MARCHF1: variants seen among roughly 807,000 people sequenced by gnomAD.
MARCHF1 encodes the protein membrane associated ring-CH-type finger 1.
MARCHF1 carries 40 observed loss-of-function variants against 54.2 expected under a neutral mutation model. The ratio of observed to expected loss-of-function variants is 0.74; its 90% confidence interval spans 0.57 to 0.96. MARCHF1 has a LOEUF of 0.96. MARCHF1 is among the 40% of genes least tolerant of loss of function. The probability of loss-of-function intolerance (pLI) is 0.00; values close to 1 mark genes in which losing one functional copy is unlikely to be tolerated. For synonymous variants in MARCHF1, 236 were observed against 236.3 expected, an observed-to-expected ratio of 1.00 and a Z score of 0.01; for missense variants, 586 against 656.5, an observed-to-expected ratio of 0.89 and a Z score of 1.17.
intron 3 of MARCHF1, among the ~76,000 whole-genome samples, chr4:163,944,612 C>G (rs1339095690): frequency 6.6e-6 from 1 of 152,154 alleles, no homozygotes; most frequent in Non-Finnish European, 1.5e-5. Context: ...CTTTCTTTCC[C>G]AAGTATTAAT....
intron 2 of MARCHF1, among the ~76,000 whole-genome samples, chr4:164,027,999 T>A (rs748241501): frequency 7.9e-5 from 12 of 152,138 alleles, no homozygotes; most frequent in Non-Finnish European, 1.5e-5. Flanking sequence ...TTATTAGTCA[T>A]CAGAGAAATG....
At chr4:164,129,014 G>T (rs1433983291) in intron 1 of MARCHF1, among the ~76,000 whole-genome samples, 5 of 152,238 alleles carry the variant, frequency 3.3e-5, no homozygotes, top group Non-Finnish European at 7.4e-5. Context: ...GTGCCTACCT[G>T]GTTCATCCCA....
At chr4:164,316,127 G>C (rs1297209436) in intron 1 of MARCHF1, among the ~76,000 whole-genome samples, 4 of 152,114 alleles carry the variant, frequency 2.6e-5, no homozygotes, top group Non-Finnish European at 5.9e-5. Flanking sequence ...ATATAGTGAG[G>C]AGTGAAAAAT....
intron 3 of MARCHF1, among the ~76,000 whole-genome samples, chr4:163,861,435 T>C (rs1560792710): frequency 2.0e-5 from 3 of 152,272 alleles, no homozygotes; most frequent in South Asian, 4.1e-4. Context: ...CTTTCCTGTA[T>C]ACCTATATAC....
rs116812264 is a variant in MARCHF1 at position 163,819,638 on chromosome 4, C to T, written c.111+34383G>A. Among the ~76,000 whole-genome samples, 994 of 152,248 alleles carry T rather than the reference C, an allele frequency of 6.5e-3. 6 individuals are homozygous for T. The highest frequency in any genetic ancestry group is 0.029 in the South Asian group (138 of 4,826). On this transcript the variant is annotated intron_variant, in intron 4 of 9. Coordinates refer to ENST00000514618, the MANE Select transcript of MARCHF1 (RefSeq NM_001394959.1). Reference sequence around the variant, plus strand: ...AAATCCCTCTCCGAATCCAAATCTCCATATTCAGCAGATGATCTTACCTCT... The same window carrying T: ...AAATCCCTCTCCGAATCCAAATCTCTATATTCAGCAGATGATCTTACCTCT...
At chr4:163,687,292 A>G (rs1036941957) in intron 5 of MARCHF1, among the ~76,000 whole-genome samples, 2 of 150,112 alleles carry the variant, frequency 1.3e-5, no homozygotes, top group African/African-American at 4.9e-5. Flanking sequence ...CAGTGGCGCT[A>G]TCTCGGCTCA....
intron 2 of MARCHF1, among the ~76,000 whole-genome samples, chr4:164,070,233 TA>T (rs1398144633): frequency 6.6e-6 from 1 of 152,086 alleles, no homozygotes; most frequent in African/African-American, 2.4e-5. Flanking sequence ...ATATCTAAAA[TA>T]AAAGTTTAAA....
At chr4:163,749,305 T>TTTTTTG (rs535784181) in intron 4 of MARCHF1, among the ~76,000 whole-genome samples, 2 of 151,864 alleles carry the variant, frequency 1.3e-5, no homozygotes, top group Non-Finnish European at 2.9e-5. Context: ...TTTTTTTCTG[T>TTTTTTG]TTTTTGTTTT....
chr4:164,080,410 CA>C (rs1447597217), intron 2 of MARCHF1, among the ~76,000 whole-genome samples: 4 of 152,006 alleles, frequency 2.6e-5, no homozygotes, highest in Admixed American at 2.6e-4. Flanking sequence ...ATTGTACTTC[CA>C]AATATTCACG....
Position 164,073,219 on chromosome 4 carries a change from G to A in MARCHF1, c.-248+38369C>T, listed in dbSNP as rs542714909. Among the ~76,000 whole-genome samples, 336 of 152,234 alleles carry A rather than the reference G, an allele frequency of 2.2e-3. 5 individuals are homozygous for A. Among genetic ancestry groups the A allele is most frequent in the Non-Finnish European group, 1.8e-4 (12 of 68,004 alleles). ...GTGTGTGTTCATTGTGGCACTGTTC[G>A]CAATAGCAAAGACTTAGAACCAACC... On this transcript the variant is annotated intron_variant, in intron 2 of 9. Coordinates refer to ENST00000514618, the MANE Select transcript of MARCHF1 (RefSeq NM_001394959.1).
chr4:164,109,333 T>A (rs1456301698), intron 2 of MARCHF1, among the ~76,000 whole-genome samples: 1 of 152,024 alleles, frequency 6.6e-6, no homozygotes, highest in Non-Finnish European at 1.5e-5. Flanking sequence ...CAAAGTGCTA[T>A]CTTCAGTTAT....
At chr4:164,354,635 T>C (rs1471146096) in intron 1 of MARCHF1, among the ~76,000 whole-genome samples, 1 of 148,916 alleles carries the variant, frequency 6.7e-6, no homozygotes, top group South Asian at 2.1e-4. Flanking sequence ...GAGCTGTCTA[T>C]GACAGACCCA....
rs948792650 is a variant in MARCHF1 at position 163,525,970 on chromosome 4, T to C, written c.*2778A>G. The C allele has an allele frequency of 6.6e-6, 1 of 152,154 alleles. No homozygotes were observed. The highest frequency in any genetic ancestry group is 1.5e-5 in the Non-Finnish European group (1 of 67,990). The allele number at this position is 152,154 out of a possible 1,614,324, so 9.4% of individuals were successfully genotyped here. A position where few individuals can be genotyped will look rare whatever the true frequency, so the allele number is the denominator to read the frequency against. ...TGAACCATAAACAAACAACCATTGCTGAAAAGCTTCTTAAAAGCTTGAAAT... is the reference window on the plus strand; with the variant it reads ...TGAACCATAAACAAACAACCATTGCCGAAAAGCTTCTTAAAAGCTTGAAAT... On this transcript the variant is annotated 3_prime_UTR_variant, in exon 10 of 10. Coordinates refer to ENST00000514618, the MANE Select transcript of MARCHF1 (RefSeq NM_001394959.1).
rs148942054 is a variant in MARCHF1 at position 163,638,805 on chromosome 4, G to T, written c.163-25412C>A. 5.3e-5 allele frequency among the ~76,000 whole-genome samples: 8 copies of T among 152,220 alleles called. No individual in the cohort carries two copies. In the East Asian group the frequency reaches 1.5e-3, roughly 29 times the overall value. On this transcript the variant is annotated intron_variant, in intron 5 of 9. Coordinates refer to ENST00000514618, the MANE Select transcript of MARCHF1 (RefSeq NM_001394959.1). Reference sequence around the variant, plus strand: ...TGAATGGATAAACAAAATAAGGTATGTATACGTATATCTATATTATCTATA... The same window carrying T: ...TGAATGGATAAACAAAATAAGGTATTTATACGTATATCTATATTATCTATA...
At chr4:164,165,527 A>C (rs757246730) in intron 1 of MARCHF1, among the ~76,000 whole-genome samples, 20 of 151,886 alleles carry the variant, frequency 1.3e-4, no homozygotes, top group Admixed American at 2.0e-4. Flanking sequence ...TGAGTAAATA[A>C]ATTTCTGTTG....
chr4:164,039,894 C>G lies in MARCHF1; in HGVS notation c.-247-51185G>C, dbSNP rs1754087606. Among the ~76,000 whole-genome samples, 3 of 150,526 alleles carry G rather than the reference C, an allele frequency of 2.0e-5. No homozygotes were observed. In the South Asian group the frequency reaches 6.2e-4, roughly 31 times the overall value. On this transcript the variant is annotated intron_variant, in intron 2 of 9. Transcript: ENST00000514618. ...TCTACCTTATGACATTTCACACTTA[C>G]AGAAACAACAAAGTAAAATAGGCCA...
At chr4:163,652,471 T>C (rs974819751) in intron 5 of MARCHF1, among the ~76,000 whole-genome samples, 6 of 151,826 alleles carry the variant, frequency 4.0e-5, no homozygotes, top group African/African-American at 1.4e-4. Context: ...GCATTTACTC[T>C]TTGTTTCTGA....
chr4:164,253,932 T>C (rs1044086306), intron 1 of MARCHF1, among the ~76,000 whole-genome samples: 1 of 152,200 alleles, frequency 6.6e-6, no homozygotes, highest in Non-Finnish European at 1.5e-5. Flanking sequence ...TGCATGATTC[T>C]ATCTATATAA....
At chr4:163,942,066 C>T (rs1466622230) in intron 3 of MARCHF1, among the ~76,000 whole-genome samples, 2 of 152,090 alleles carry the variant, frequency 1.3e-5, no homozygotes, top group African/African-American at 4.8e-5. Context: ...AAAACTGTTG[C>T]ATTTGGTTTC....
Sources: allele counts gnomAD v4.1 joint callset (sites outside exome capture counted in the v4.1 genomes callset), GRCh38; gene constraint gnomAD v4.1.1; transcripts MANE v1.5; gene names NCBI Gene and HGNC (gene_info 2026-07-23, HGNC 2026-07-21).